The following DGKI variants were observed in gnomAD, a reference collection of about 807,000 sequenced individuals.
DGKI encodes the protein DAG kinase iota.
DGKI carries 55 observed loss-of-function variants against 147.5 expected under a neutral mutation model. The observed-to-expected ratio is 0.37, with a 90% confidence interval of 0.30 to 0.47. The LOEUF is 0.47. DGKI is among the 20% of genes least tolerant of loss of function. The pLI, the probability that DGKI is intolerant of heterozygous loss-of-function variation, is 1.00. For missense variants in DGKI, 1,007 were observed against 1,323.8 expected (o/e 0.76, Z 3.71); for synonymous variants, 469 against 477.1 (o/e 0.98, Z 0.22).
At chr7:137,621,269 T>C (rs2128997743) in intron 7 of DGKI, among the ~76,000 whole-genome samples, 1 of 152,336 alleles carries the variant, frequency 6.6e-6, no homozygotes, top group East Asian at 1.9e-4. Flanking sequence ...AAAATTGCTT[T>C]TTTTTCTTGG....
At chr7:137,785,856 A>G (rs956186539) in intron 1 of DGKI, among the ~76,000 whole-genome samples, 6 of 152,172 alleles carry the variant, frequency 3.9e-5, no homozygotes, top group Non-Finnish European at 8.8e-5. Flanking sequence ...CACTAACAGA[A>G]TTGAAAACAA....
intron 21 of DGKI, among the ~76,000 whole-genome samples, chr7:137,497,011 T>C (rs1320973455): frequency 6.6e-6 from 1 of 150,514 alleles, no homozygotes; most frequent in Non-Finnish European, 1.5e-5. Context: ...ATCAACAGAA[T>C]AAACAGACAA....
chr7:137,744,587 C>G (rs185369306), intron 1 of DGKI, among the ~76,000 whole-genome samples: 1 of 151,954 alleles, frequency 6.6e-6, no homozygotes, highest in Non-Finnish European at 1.5e-5. Flanking sequence ...AAAGACACAC[C>G]AAGAAAATAA....
chr7:137,634,736 G>A (rs1423209091), intron 6 of DGKI, among the ~76,000 whole-genome samples: 1 of 152,156 alleles, frequency 6.6e-6, no homozygotes, highest in African/African-American at 2.4e-5. Flanking sequence ...AGCTCAAAGA[G>A]GAGGAAAATG....
chr7:137,433,953 A>G (rs1277491994), intron 28 of DGKI, among the ~76,000 whole-genome samples: 5 of 152,012 alleles, frequency 3.3e-5, no homozygotes, highest in Non-Finnish European at 7.4e-5. Context: ...CATCATCTCT[A>G]GTAAAAAACA....
chr7:137,517,339 G>GAA (rs1326759879), intron 21 of DGKI, among the ~76,000 whole-genome samples: 66 of 97,974 alleles, frequency 6.7e-4, no homozygotes, highest in South Asian at 1.6e-3. Context: ...AAGAAAGAAA[G>GAA]AGAAAGAAAG....
Position 137,463,516 on chromosome 7 carries a change from T to C in DGKI, c.2708A>G (p.Lys903Arg). The C allele has an allele frequency of 6.2e-7, 1 of 1,614,024 alleles. No homozygotes were observed. The highest frequency in any genetic ancestry group is 8.5e-7 in the Non-Finnish European group (1 of 1,180,008). Residue 903 changes from lysine (K) to arginine (R), a missense_variant, in exon 27 of 33, where the codon AAA (lysine) becomes AGA (arginine). Lys to Arg is a conservative substitution (Grantham distance 26). Around this residue, in one of 5 missense-constraint regions of DGKI, gnomAD observed 385 missense variants for 445.2 expected, o/e 0.86. Coordinates refer to ENST00000614521, the MANE Select transcript of DGKI (RefSeq NM_001321708.2). The stretch of plus-strand genomic sequence containing the variant: ...TAGCACGCGGGAGTGGCTGAGATCT[T>C]TCAGATCTGAGTCCTCATAATAGGG... ...IAPYYEDSDLKDLSHSRVLQS... is the reference protein window; with the variant it reads ...IAPYYEDSDLRDLSHSRVLQS...
At position 137,412,230 on chromosome 7, in the gene DGKI, G is replaced by A. The variant is rs1439429107; in HGVS notation, c.2762-23C>T. ...TTGCTGTGAAAGACAAAAGAGAGATGTCCCATTAGTAGAAGACCCTCTTAT... is the reference window on the plus strand; with the variant it reads ...TTGCTGTGAAAGACAAAAGAGAGATATCCCATTAGTAGAAGACCCTCTTAT... On this transcript the variant is annotated intron_variant, in intron 28 of 32. Coordinates refer to ENST00000614521, the MANE Select transcript of DGKI (RefSeq NM_001321708.2). The A allele has an allele frequency of 2.5e-6, 4 of 1,607,172 alleles. No individual in the cohort carries two copies. In the Admixed American group the frequency reaches 5.0e-5, roughly 20 times the overall value.
intron 10 of DGKI, among the ~76,000 whole-genome samples, chr7:137,602,277 T>C (rs1194124621): frequency 6.6e-6 from 1 of 152,184 alleles, no homozygotes; most frequent in Non-Finnish European, 1.5e-5. Context: ...TATGCAAATA[T>C]TAATAGGTAA....
chr7:137,577,358 A>G, intron 16 of DGKI, 74 bp from the exon 17 acceptor site: 1 of 1,065,892 alleles, frequency 9.4e-7, no homozygotes, highest in Non-Finnish European at 1.4e-6. Context: ...TCCATATCCT[A>G]GATTCCAAGG....
intron 1 of DGKI, among the ~76,000 whole-genome samples, chr7:137,717,291 T>A (rs1794407183): frequency 6.6e-6 from 1 of 152,202 alleles, no homozygotes; most frequent in African/African-American, 2.4e-5. Context: ...CAGACACGCC[T>A]TTTTTGGCTC....
intron 4 of DGKI, 49 bp downstream of exon 4, chr7:137,656,417 A>C: frequency 1.3e-6 from 2 of 1,598,950 alleles, no homozygotes; most frequent in Non-Finnish European, 1.7e-6. Context: ...GCCTCTGAAG[A>C]CCAAATACTT....
At chr7:137,754,442 G>A (rs891071661) in intron 1 of DGKI, among the ~76,000 whole-genome samples, 2 of 152,210 alleles carry the variant, frequency 1.3e-5, no homozygotes, top group Non-Finnish European at 1.5e-5. Context: ...GTGGGAGACT[G>A]CTGCGTGACC....
At chr7:137,548,321 T>C (rs1817930487) in intron 20 of DGKI, among the ~76,000 whole-genome samples, 1 of 152,120 alleles carries the variant, frequency 6.6e-6, no homozygotes, top group Non-Finnish European at 1.5e-5. Flanking sequence ...ATGGTTTGGA[T>C]GTGTGTCCCA....
intron 14 of DGKI, among the ~76,000 whole-genome samples, chr7:137,583,425 A>G (rs963042746): frequency 6.6e-6 from 1 of 152,162 alleles, no homozygotes; most frequent in Non-Finnish European, 1.5e-5. Flanking sequence ...TCTACCATTT[A>G]TGTTCTTTTG....
At chr7:137,501,588 A>G (rs2128942664) in intron 21 of DGKI, among the ~76,000 whole-genome samples, 1 of 152,198 alleles carries the variant, frequency 6.6e-6, no homozygotes, top group African/African-American at 2.4e-5. Context: ...AAGCCAAAAG[A>G]CCCTTGTAGA....
intron 21 of DGKI, among the ~76,000 whole-genome samples, chr7:137,514,835 C>G (rs375165884): frequency 2.0e-5 from 3 of 152,186 alleles, no homozygotes; most frequent in Admixed American, 6.6e-5. Context: ...ACCTGCTGCC[C>G]TATTTCCATC....
intron 27 of DGKI, among the ~76,000 whole-genome samples, chr7:137,457,745 T>C (rs1373060069): frequency 6.6e-6 from 1 of 152,174 alleles, no homozygotes; most frequent in African/African-American, 2.4e-5. Context: ...ATGTTTTCCA[T>C]TATTTGAGAG....
In DGKI at chr7:137,593,389, T is replaced by G. The variant is rs143485139; in HGVS notation, c.1311+4458A>C. ...CCAAGGAAGTGAGAAAATACAAATT[T>G]ATCACATGACCAAAGACAGGCTATT... On this transcript the variant is annotated intron_variant, in intron 12 of 32. Coordinates refer to ENST00000614521, the MANE Select transcript of DGKI (RefSeq NM_001321708.2). Among the ~76,000 whole-genome samples the G allele has an allele frequency of 1.6e-4, 24 of 152,300 alleles. No individual in the cohort carries two copies. The East Asian group carries it at 4.6e-3, about 29-fold the overall frequency.
Sources: gnomAD v4.1 joint callset for allele counts (sites outside exome capture counted in the v4.1 genomes callset) on GRCh38, gnomAD v4.1.1 for gene constraint, gnomAD v4.1.1 regional missense constraint, MANE v1.5 for transcripts, NCBI Gene and HGNC (gene_info 2026-07-23, HGNC 2026-07-21) for gene names.